Variants in PPP6R2 observed in about 807,000 individuals in gnomAD.
PPP6R2 encodes the protein serine/threonine-protein phosphatase 6 regulatory subunit 2.
A neutral mutation model predicts 100.2 loss-of-function variants in PPP6R2; 62 were observed. The ratio of observed to expected loss-of-function variants is 0.62; its 90% CI spans 0.50 to 0.76. PPP6R2 has a LOEUF of 0.76. PPP6R2 is among the 30% of genes least tolerant of loss of function. The pLI is 0.00. For synonymous variants in PPP6R2, 525 were observed against 514.7 expected, an observed-to-expected ratio of 1.02 and a Z score of -0.27; for missense variants, 1,142 against 1,276.3, an observed-to-expected ratio of 0.89 and a Z score of 1.60.
At chr22:50,352,150 A>G (rs1010717765) in intron 1 of PPP6R2, among the ~76,000 whole-genome samples, 2 of 151,190 alleles carry the variant, frequency 1.3e-5, no homozygotes. Context: ...CATGTTGGCC[A>G]GGCTGGTCTT....
chr22:50,375,539 G>T (rs1239324953), intron 2 of PPP6R2, among the ~76,000 whole-genome samples: 1 of 152,142 alleles, frequency 6.6e-6, no homozygotes, highest in Non-Finnish European at 1.5e-5. Flanking sequence ...TCCTCAAGGT[G>T]TGAGGGCAGA....
intron 3 of PPP6R2, among the ~76,000 whole-genome samples, chr22:50,394,954 C>A (rs541414706): frequency 6.7e-6 from 1 of 149,944 alleles, no homozygotes. Flanking sequence ...TGTCTTGTGC[C>A]GGCATTTTTT....
At chr22:50,412,809 T>A (rs1403841376) in intron 4 of PPP6R2, among the ~76,000 whole-genome samples, 1 of 149,712 alleles carries the variant, frequency 6.7e-6, no homozygotes, top group Non-Finnish European at 1.5e-5. Flanking sequence ...GCCCGGCTAA[T>A]TTTTTTTGTA....
intron 3 of PPP6R2, among the ~76,000 whole-genome samples, chr22:50,394,439 T>C (rs933285178): frequency 1.8e-4 from 28 of 151,622 alleles, no homozygotes; most frequent in Admixed American, 5.9e-4. Context: ...TATTAAATTT[T>C]TTTTTTTAAA....
intron 2 of PPP6R2, among the ~76,000 whole-genome samples, chr22:50,384,181 C>T (rs994097739): frequency 6.6e-6 from 1 of 152,014 alleles, no homozygotes; most frequent in Non-Finnish European, 1.5e-5. Flanking sequence ...ACTCCTGTGG[C>T]CTTTTGAAGA....
intron 6 of PPP6R2, among the ~76,000 whole-genome samples, chr22:50,417,084 A>C (rs963293861): frequency 6.6e-6 from 1 of 152,032 alleles, no homozygotes; most frequent in African/African-American, 2.4e-5. Flanking sequence ...GTTTCTGTGG[A>C]TCAGGCGTCT....
intron 8 of PPP6R2, among the ~76,000 whole-genome samples, chr22:50,421,117 T>C (rs1413047996): frequency 2.0e-5 from 3 of 152,352 alleles, no homozygotes; most frequent in Non-Finnish European, 4.4e-5. Flanking sequence ...TGTCTGTCTC[T>C]GGTAGTACCT....
chr22:50,342,593 T>C (rs946748822), upstream of PPP6R2, among the ~76,000 whole-genome samples: 46 of 149,232 alleles, frequency 3.1e-4, 1 homozygote, highest in African/African-American at 1.1e-3. Context: ...GGCAATACAC[T>C]GACAACTGGA....
chr22:50,403,104 A>G (rs1261386904), intron 3 of PPP6R2, among the ~76,000 whole-genome samples: 1 of 152,138 alleles, frequency 6.6e-6, no homozygotes, highest in Non-Finnish European at 1.5e-5. Context: ...TCCCAGCTAC[A>G]CAGGAGGCTG....
In PPP6R2 at chr22:50,414,698, G is replaced by A. The variant is rs754005138; in HGVS notation, c.552+9G>A. The A allele has an allele frequency of 5.7e-6, 9 of 1,584,152 alleles. No homozygotes were observed. Among genetic ancestry groups the A allele is most frequent in the South Asian group, 1.1e-5 (1 of 90,024 alleles). Reference sequence around the variant, plus strand: ...GGCAGGACGTCCTGCACGTGAGTGCGGGAGTCCCCCCCCGTTCCCGAGGGC... The same window carrying A: ...GGCAGGACGTCCTGCACGTGAGTGCAGGAGTCCCCCCCCGTTCCCGAGGGC... On this transcript the variant is annotated intron_variant, in intron 5 of 23. Coordinates refer to ENST00000612753, the MANE Select transcript of PPP6R2 (RefSeq NM_001242898.2).
At chr22:50,418,620 TGA>T (rs2060875178) in intron 6 of PPP6R2, among the ~76,000 whole-genome samples, 1 of 151,946 alleles carries the variant, frequency 6.6e-6, no homozygotes, top group South Asian at 2.1e-4. Flanking sequence ...TCTCCTGACC[TGA>T]TGATCTGCCT....
intron 3 of PPP6R2, among the ~76,000 whole-genome samples, chr22:50,397,110 A>G (rs1004117195): frequency 1.4e-4 from 21 of 152,176 alleles, no homozygotes; most frequent in African/African-American, 3.6e-4. Flanking sequence ...TCAGTAGTAG[A>G]TAAGTACAGA....
rs534131074 is a variant in PPP6R2 at position 50,364,847 on chromosome 22, T to A, written c.-147-7173T>A. ...AGTTGTATTGTGTGCGGGTCCCACT[T>A]AATGTGTCATCGTGTAGAGGCTTAC... On this transcript the variant is annotated intron_variant, in intron 1 of 23. Transcript: ENST00000612753. 2.6e-5 allele frequency among the ~76,000 whole-genome samples: 4 copies of A among 152,166 alleles called. No homozygotes were observed. In the South Asian group the frequency reaches 8.3e-4, roughly 32 times the overall value.
intron 5 of PPP6R2, among the ~76,000 whole-genome samples, chr22:50,415,239 C>T (rs896536572): frequency 1.4e-4 from 22 of 152,220 alleles, no homozygotes; most frequent in African/African-American, 4.3e-4. Context: ...GCTCACTGTT[C>T]GGCCAGCTTT....
chr22:50,397,861 CT>C (rs1390884928), intron 3 of PPP6R2, among the ~76,000 whole-genome samples: 10 of 79,592 alleles, frequency 1.3e-4, no homozygotes, highest in East Asian at 6.1e-4. Flanking sequence ...GCCTTGTCAT[CT>C]CTGAGCTTTT....
rs143545251 is a variant in PPP6R2 at position 50,423,273 on chromosome 22, C to G, written c.973-189C>G. Among the ~76,000 whole-genome samples, 1 of 152,140 alleles carries G rather than the reference C, an allele frequency of 6.6e-6. No individual in the cohort carries two copies. Among genetic ancestry groups the G allele is most frequent in the Non-Finnish European group, 1.5e-5 (1 of 68,008 alleles). On this transcript the variant is annotated intron_variant, in intron 9 of 23. Transcript: ENST00000612753. The surrounding 1 kb of genome is among the most constrained non-coding windows in gnomAD (Gnocchi z 4.8). Reference sequence around the variant, plus strand: ...GCACTCTCTGAAGCCCTGAGGGGAGCAGCAGGCTCTTCACCCCATTGATGC... The same window carrying G: ...GCACTCTCTGAAGCCCTGAGGGGAGGAGCAGGCTCTTCACCCCATTGATGC...
At chr22:50,381,462 G>A (rs1418197266) in intron 2 of PPP6R2, among the ~76,000 whole-genome samples, 1 of 145,326 alleles carries the variant, frequency 6.9e-6, no homozygotes, top group Admixed American at 6.9e-5. Flanking sequence ...CACCACACGG[G>A]CCCCACTTCA....
chr22:50,398,152 G>C (rs1390776060), intron 3 of PPP6R2, among the ~76,000 whole-genome samples: 1 of 151,304 alleles, frequency 6.6e-6, no homozygotes, highest in Middle Eastern at 3.2e-3. Context: ...GGGCAATATA[G>C]CGAGACTCCA....
chr22:50,431,290 A>G lies in PPP6R2; in HGVS notation c.1243A>G (p.Ser415Gly). ...EERTEASGSE[S>G]RVEPPHENGN... ...GAGGACAGAAGCCAGCGGATCCGAG[A>G]GCAGGGTGGAGCCTCCGCATGAGAA... The change falls in exon 11 of 24, where the codon AGC becomes GGC. Residue 415 changes from serine to glycine, a missense_variant. Transcript: ENST00000612753. This position sits in a 1 kb window ranked among gnomAD's most constrained non-coding sequence, Gnocchi z 4.8. 1 of 1,613,454 alleles carries G rather than the reference A, an allele frequency of 6.2e-7. No individual in the cohort carries two copies. Among genetic ancestry groups the G allele is most frequent in the Non-Finnish European group, 8.5e-7 (1 of 1,180,034 alleles).
Sources: gnomAD v4.1 joint callset for allele counts (sites outside exome capture counted in the v4.1 genomes callset) on GRCh38, gnomAD v4.1.1 for gene constraint, Gnocchi (gnomAD v3.1) non-coding constraint, MANE v1.5 for transcripts, NCBI Gene and HGNC (gene_info 2026-07-23, HGNC 2026-07-21) for gene names.